FOXK1: variants seen among roughly 807,000 people sequenced by gnomAD.
FOXK1 encodes the protein forkhead box K1, also known as forkhead box protein K1.
FOXK1 carries 19 observed loss-of-function variants against 51.9 expected under a neutral mutation model. The ratio of observed to expected loss-of-function variants is 0.37; its 90% CI spans 0.26 to 0.54. FOXK1 has a LOEUF of 0.54. FOXK1 is among the 20% of genes least tolerant of loss of function. The probability of loss-of-function intolerance (pLI) is 0.87; values close to 1 mark genes in which losing one functional copy is unlikely to be tolerated. For synonymous variants in FOXK1, 537 were observed against 482.6 expected (o/e 1.11, Z -1.48); for missense variants, 870 against 1,032.7 (o/e 0.84, Z 2.16).
At chr7:4,706,907 C>T (rs751965488) in intron 1 of FOXK1, among the ~76,000 whole-genome samples, 6 of 152,344 alleles carry the variant, frequency 3.9e-5, no homozygotes, top group Non-Finnish European at 8.8e-5. Context: ...TCTCACCTCC[C>T]CCCGGGACTT....
chr7:4,705,052 G>A (rs1015389663), intron 1 of FOXK1, among the ~76,000 whole-genome samples: 6 of 151,954 alleles, frequency 3.9e-5, no homozygotes, highest in South Asian at 4.2e-4. Flanking sequence ...GGCTGGTCTC[G>A]AACTCCTGAC....
At position 4,753,396 on chromosome 7, in the gene FOXK1, C is replaced by CTTCTGGATGG. The variant is rs943245345; in HGVS notation, c.747-1046_747-1037dup. On this transcript the variant is annotated intron_variant, in intron 2 of 8. Transcript: ENST00000328914. The surrounding 1 kb of genome is among the most constrained non-coding windows in gnomAD (Gnocchi z 4.9). ...GCAAGGCGGGAGGAGGAGAATGGAC[C>CTTCTGGATGG]TTCTGGATGGTTCTGGATGGTTCTG... Among the ~76,000 whole-genome samples the CTTCTGGATGG allele has an allele frequency of 1.3e-5, 2 of 151,896 alleles. No individual in the cohort carries two copies. Among genetic ancestry groups the CTTCTGGATGG allele is most frequent in the Non-Finnish European group, 2.9e-5 (2 of 67,954 alleles).
chr7:4,721,025 C>A (rs996181986), intron 1 of FOXK1, among the ~76,000 whole-genome samples: 3 of 152,212 alleles, frequency 2.0e-5, no homozygotes, highest in Non-Finnish European at 4.4e-5. Context: ...TTACCTAGGT[C>A]TTTTTTGTCT....
rs529022916 is a variant in FOXK1 at position 4,733,926 on chromosome 7, C to T, written c.561-6912C>T. 3.9e-5 allele frequency among the ~76,000 whole-genome samples: 6 copies of T among 152,184 alleles called. No individual in the cohort carries two copies. The highest frequency in any genetic ancestry group is 3.9e-4 in the East Asian group (2 of 5,168). ...GGGAAGCCACAGGGACCTCCCAGCA[C>T]GCGCCAACCCTGGACTTCCCCCAGA... On this transcript the variant is annotated intron_variant, in intron 1 of 8. Coordinates refer to ENST00000328914, the MANE Select transcript of FOXK1 (RefSeq NM_001037165.2). This position sits in a 1 kb window ranked among gnomAD's most constrained non-coding sequence, Gnocchi z 5.0.
Position 4,684,011 on chromosome 7 carries a change from G to A in FOXK1, c.560+1143G>A, listed in dbSNP as rs565594968. Among the ~76,000 whole-genome samples, 22 of 152,192 alleles carry A rather than the reference G, an allele frequency of 1.4e-4. 1 individual carries two copies. In the South Asian group the frequency reaches 4.6e-3, roughly 32 times the overall value. Reference sequence around the variant, plus strand: ...TCACCAGGGCAGAGAGACCCAGCTGGGCCTGGACGGCTGCCCAGGCCTGTC... The same window carrying A: ...TCACCAGGGCAGAGAGACCCAGCTGAGCCTGGACGGCTGCCCAGGCCTGTC... On this transcript the variant is annotated intron_variant, in intron 1 of 8. Coordinates refer to ENST00000328914, the MANE Select transcript of FOXK1 (RefSeq NM_001037165.2).
chr7:4,707,315 T>G lies in FOXK1; in HGVS notation c.560+24447T>G, dbSNP rs1359182829. 1.3e-5 allele frequency among the ~76,000 whole-genome samples: 2 copies of G among 152,146 alleles called. No individual in the cohort carries two copies. Among genetic ancestry groups the G allele is most frequent in the Non-Finnish European group, 2.9e-5 (2 of 68,024 alleles). ...CAGTGCTTATTTCAGGGAAAACTCT[T>G]GTGATGAATGGGCCATCCGGGATAA... is the stretch of plus-strand genomic sequence containing the variant. On this transcript the variant is annotated intron_variant, in intron 1 of 8. Coordinates refer to ENST00000328914, the MANE Select transcript of FOXK1 (RefSeq NM_001037165.2). The surrounding 1 kb of genome is among the most constrained non-coding windows in gnomAD (Gnocchi z 4.1).
Position 4,694,668 on chromosome 7 carries a change from C to G in FOXK1, c.560+11800C>G, listed in dbSNP as rs138176097. Among the ~76,000 whole-genome samples, 91 of 152,270 alleles carry G rather than the reference C, an allele frequency of 6.0e-4. 2 individuals are homozygous for G. In the South Asian group the frequency reaches 0.013, roughly 21 times the overall value. ...TGGAACCCAAAAATAGTATCATAGC[C>G]TAGATTTGGAGCTTTGTGCCAGCCT... On this transcript the variant is annotated intron_variant, in intron 1 of 8. Transcript: ENST00000328914.
chr7:4,744,827 C>T (rs1438405591), intron 2 of FOXK1, among the ~76,000 whole-genome samples: 1 of 152,234 alleles, frequency 6.6e-6, no homozygotes, highest in Non-Finnish European at 1.5e-5. Context: ...GTGCAAAGAC[C>T]GGATTCTTGT....
At position 4,722,360 on chromosome 7, in the gene FOXK1, T is replaced by C. The variant is rs1780325799; in HGVS notation, c.561-18478T>C. On this transcript the variant is annotated intron_variant, in intron 1 of 8. Transcript: ENST00000328914. The surrounding 1 kb of genome is among the most constrained non-coding windows in gnomAD (Gnocchi z 5.1). ...TCCCATTGTTGCCTCTTATGTACTTTGGTCGTTCGTATTTCCTAGGCTTAA... is the reference window on the plus strand; with the variant it reads ...TCCCATTGTTGCCTCTTATGTACTTCGGTCGTTCGTATTTCCTAGGCTTAA... Among the ~76,000 whole-genome samples, 1 of 152,244 alleles carries C rather than the reference T, an allele frequency of 6.6e-6. No individual in the cohort carries two copies. Among genetic ancestry groups the C allele is most frequent in the Non-Finnish European group, 1.5e-5 (1 of 68,030 alleles).
Position 4,685,525 on chromosome 7 carries a change from C to CT in FOXK1, c.560+2676dup, listed in dbSNP as rs79117434. Among the ~76,000 whole-genome samples the CT allele has an allele frequency of 9.0e-3, 1,208 of 134,856 alleles. 15 individuals are homozygous for CT. Among genetic ancestry groups the CT allele is most frequent in the African/African-American group, 0.027 (983 of 36,536 alleles). 88.5% of individuals were successfully genotyped at this position (134,856 alleles called of 152,430 possible). ...GCGTGAGCCCCTGCGCCCGGCCTCA[C>CT]TTTTTTTTTTTTTTTTTTTAATTTT... On this transcript the variant is annotated intron_variant, in intron 1 of 8. Transcript: ENST00000328914.
chr7:4,700,713 G>A (rs765589702), intron 1 of FOXK1, among the ~76,000 whole-genome samples: 1 of 152,100 alleles, frequency 6.6e-6, no homozygotes, highest in Non-Finnish European at 1.5e-5. Context: ...CTACTCGGGA[G>A]GCTGAGGGGG....
chr7:4,714,518 G>A (rs1367750850), intron 1 of FOXK1, among the ~76,000 whole-genome samples: 6 of 152,078 alleles, frequency 3.9e-5, no homozygotes, highest in East Asian at 1.9e-4. Context: ...CAAGCTATCC[G>A]CCCACCTCCG....
chr7:4,708,910 C>G (rs1780139496), intron 1 of FOXK1, among the ~76,000 whole-genome samples: 1 of 151,958 alleles, frequency 6.6e-6, no homozygotes, highest in Non-Finnish European at 1.5e-5. Flanking sequence ...ACTAAAAATA[C>G]AGAAATTAGC....
rs1253359344 is a variant in FOXK1 at position 4,771,065 on chromosome 7, G to GTGAA, written c.*8602_*8605dup. 1 of 152,624 alleles carries GTGAA rather than the reference G, an allele frequency of 6.6e-6. No individual in the cohort carries two copies. The highest frequency in any genetic ancestry group is 1.5e-5 in the Non-Finnish European group (1 of 68,054). The allele number at this position is 152,624 out of a possible 1,614,324, so 9.5% of individuals were successfully genotyped here. ...ACCTTGCGTGTCTCACCCTGGAGGA[G>GTGAA]TGAAGGTGGGCGCCCGGCGGGGGGG... On this transcript the variant is annotated 3_prime_UTR_variant, in exon 9 of 9. Transcript: ENST00000328914.
chr7:4,760,570 G>C (rs1392676933), intron 7 of FOXK1, among the ~76,000 whole-genome samples: 1 of 152,192 alleles, frequency 6.6e-6, no homozygotes, highest in Non-Finnish European at 1.5e-5. Flanking sequence ...ACTGTTCTAG[G>C]CCGGGCGCGG....
chr7:4,713,620 T>G (rs1338684670), intron 1 of FOXK1, among the ~76,000 whole-genome samples: 1 of 150,872 alleles, frequency 6.6e-6, no homozygotes, highest in African/African-American at 2.4e-5. Flanking sequence ...GCCTCCCGAG[T>G]TGCTGGGATT....
At chr7:4,693,084 T>C (rs1779914269) in intron 1 of FOXK1, among the ~76,000 whole-genome samples, 1 of 152,258 alleles carries the variant, frequency 6.6e-6, no homozygotes, top group South Asian at 2.1e-4. Flanking sequence ...TAAAACCTAT[T>C]GCTCTTTCAT....
intron 1 of FOXK1, among the ~76,000 whole-genome samples, chr7:4,697,049 C>T (rs183331379): frequency 4.5e-4 from 68 of 152,184 alleles, no homozygotes; most frequent in Admixed American, 2.8e-3. Context: ...CCAGCCTGGG[C>T]GACAGAGCGA....
intron 1 of FOXK1, among the ~76,000 whole-genome samples, chr7:4,685,354 A>G (rs1779805793): frequency 6.7e-6 from 1 of 150,286 alleles, no homozygotes. Flanking sequence ...GGCTGGGACT[A>G]CAGGCGCACA....
Sources: allele counts gnomAD v4.1 joint callset (sites outside exome capture counted in the v4.1 genomes callset), GRCh38; gene constraint gnomAD v4.1.1; non-coding constraint Gnocchi (gnomAD v3.1); transcripts MANE v1.5; gene names NCBI Gene and HGNC (gene_info 2026-07-23, HGNC 2026-07-21).